Variants in MRPL3 observed in about 807,000 individuals in gnomAD.
MRPL3 encodes the protein mitochondrial ribosomal protein L3.
In MRPL3, 43 loss-of-function variants were observed where a neutral mutation model predicts 44.3. The observed-to-expected ratio is 0.97, with a 90% CI of 0.76 to 1.25. The LOEUF is 1.25. Among genes scored for constraint, MRPL3 ranks in the 50% most tolerant of loss-of-function variants. The pLI, the probability that MRPL3 is intolerant of heterozygous loss-of-function variation, is 0.00. For synonymous variants in MRPL3, 171 were observed against 152.3 expected, an observed-to-expected ratio of 1.12 and a Z score of -0.91; for missense variants, 406 against 427.6, an observed-to-expected ratio of 0.95 and a Z score of 0.45.
chr3:131,492,630 C>T (rs1468955036), intron 4 of MRPL3, among the ~76,000 whole-genome samples: 5 of 152,190 alleles, frequency 3.3e-5, no homozygotes, highest in Admixed American at 3.3e-4. Context: ...ACCTGCCATT[C>T]ACCTCCTGCT....
intron 6 of MRPL3, among the ~76,000 whole-genome samples, chr3:131,473,174 C>G (rs1244076770): frequency 6.6e-6 from 1 of 152,036 alleles, no homozygotes; most frequent in Non-Finnish European, 1.5e-5. Context: ...CTACACAAAG[C>G]TATAGGAGCC....
At chr3:131,469,566 T>G (rs1338878130) in intron 8 of MRPL3, 130 bp downstream of exon 8, 1 of 599,874 alleles carries the variant, frequency 1.7e-6, no homozygotes, top group Non-Finnish European at 2.9e-6. Context: ...ACAATTCATG[T>G]ATCCTCTTTT....
intron 6 of MRPL3, among the ~76,000 whole-genome samples, chr3:131,481,423 T>G (rs1203621623): frequency 6.6e-6 from 1 of 152,216 alleles, no homozygotes; most frequent in African/African-American, 2.4e-5. Context: ...GCTAAGAGCT[T>G]TCTATGCACT....
At chr3:131,472,407 T>C (rs896679302) in intron 6 of MRPL3, among the ~76,000 whole-genome samples, 3 of 152,144 alleles carry the variant, frequency 2.0e-5, no homozygotes, top group African/African-American at 7.2e-5. Flanking sequence ...TAAAGAATTA[T>C]TAAAGTTTGT....
chr3:131,464,572 A>T (rs1933559323), intron 9 of MRPL3, among the ~76,000 whole-genome samples: 2 of 152,164 alleles, frequency 1.3e-5, no homozygotes, highest in Admixed American at 6.6e-5. Context: ...TGGGGGAAGG[A>T]CAGACAAAAG....
chr3:131,492,986 T>C (rs1399854951), intron 4 of MRPL3, among the ~76,000 whole-genome samples: 1 of 152,214 alleles, frequency 6.6e-6, no homozygotes, highest in Non-Finnish European at 1.5e-5. Flanking sequence ...AAAAAAGTTA[T>C]GCCACTTTTT....
chr3:131,499,132 G>C (rs535677577), intron 3 of MRPL3, among the ~76,000 whole-genome samples: 2 of 152,230 alleles, frequency 1.3e-5, no homozygotes, highest in African/African-American at 4.8e-5. Flanking sequence ...TATATAAATG[G>C]AATCAGATTT....
chr3:131,469,745 T>G lies in MRPL3; in HGVS notation c.767A>C (p.Lys256Thr), dbSNP rs947657612. 7 of 1,612,352 alleles carry G rather than the reference T, an allele frequency of 4.3e-6. No individual in the cohort carries two copies. Among genetic ancestry groups the G allele is most frequent in the Non-Finnish European group, 5.9e-6 (7 of 1,178,944 alleles). ...TATGTTTCCCATTTTTCCAGGCATT[T>G]TAGTTCCAGGCCAGACTCTGCCAAT... ...GDIGRVWPGT[K>T]MPGKMGNIYR... is the part of the protein sequence containing the mutation. The change falls in exon 8 of 10, where the codon AAA becomes ACA. Residue 256 changes from lysine (K) to threonine (T), a missense_variant. Coordinates refer to ENST00000264995, the MANE Select transcript of MRPL3 (RefSeq NM_007208.4).
intron 9 of MRPL3, among the ~76,000 whole-genome samples, chr3:131,467,152 A>G (rs988080170): frequency 7.2e-5 from 11 of 152,080 alleles, no homozygotes; most frequent in Admixed American, 5.2e-4. Flanking sequence ...CCATGTCACC[A>G]CAAACAATAG....
At chr3:131,479,043 G>GA (rs1483748782) in intron 6 of MRPL3, 8 of 458,216 alleles carry the variant, frequency 1.7e-5, no homozygotes, top group Non-Finnish European at 3.0e-5. Flanking sequence ...ACTCTAAGTA[G>GA]AGGTTTTTCA....
intron 6 of MRPL3, among the ~76,000 whole-genome samples, chr3:131,485,974 C>T (rs945916312): frequency 1.3e-5 from 2 of 151,860 alleles, no homozygotes; most frequent in Admixed American, 6.6e-5. Flanking sequence ...AATTATCATG[C>T]AACAAAAAGG....
At position 131,501,624 on chromosome 3, in the gene MRPL3, T is replaced by C; in HGVS notation, c.184A>G (p.Lys62Glu). The C allele has an allele frequency of 6.2e-7, 1 of 1,613,008 alleles. No homozygotes were observed. Among genetic ancestry groups the C allele is most frequent in the Middle Eastern group, 1.9e-4 (1 of 5,178 alleles). Residue 62 changes from lysine to glutamate, a missense_variant, in exon 2 of 10, where the codon AAG becomes GAG. Physicochemically the swap from Lys to Glu is moderately conservative, Grantham distance 56. Transcript: ENST00000264995. ...TTATCTTCATCAGAGACCAACTGCT[T>C]AATGAATGGGACATTTTCTTCAGAA... Reference protein sequence around the residue: ...HLSEENVPFIKQLVSDEDKAQ... With the variant: ...HLSEENVPFIEQLVSDEDKAQ...
chr3:131,471,179 CA>C lies in MRPL3; in HGVS notation c.729del (p.Ala244GlnfsTer28). ...TCACTAGTTATACTCACACCAGTTG[CA>C]ACAGCTCCAGGTCTCCTGTGGGTTT... is the stretch of plus-strand genomic sequence containing the variant. The part of the protein sequence containing the change: ...QTKTHRRPGA[V>X]ATGDIGRVWP... On this transcript the variant is annotated frameshift_variant, in exon 7 of 10. Coordinates refer to ENST00000264995, the MANE Select transcript of MRPL3 (RefSeq NM_007208.4). LOFTEE classifies it high-confidence loss of function. The C allele has an allele frequency of 6.2e-7, 1 of 1,611,170 alleles. No homozygotes were observed. The highest frequency in any genetic ancestry group is 8.5e-7 in the Non-Finnish European group (1 of 1,177,846).
rs542754885 is a variant in MRPL3 at position 131,502,940 on chromosome 3, C to T, written c.-119G>A. ...GCCGTGGGGAAGTTTTCGCAATGGCCGCCGGAACGGTCGCCGGCCGATGCT... is the reference window on the plus strand; with the variant it reads ...GCCGTGGGGAAGTTTTCGCAATGGCTGCCGGAACGGTCGCCGGCCGATGCT... On this transcript the variant is annotated 5_prime_UTR_variant, in exon 1 of 10. Transcript: ENST00000264995. 6.4e-6 allele frequency: 6 copies of T among 932,234 alleles called. No individual in the cohort carries two copies. In the Admixed American group the frequency reaches 8.2e-5, roughly 13 times the overall value. 57.7% of individuals were successfully genotyped at this position (932,234 alleles called of 1,614,324 possible).
chr3:131,471,787 G>A (rs969912252), intron 6 of MRPL3, among the ~76,000 whole-genome samples: 3 of 152,130 alleles, frequency 2.0e-5, no homozygotes, highest in African/African-American at 7.2e-5. Flanking sequence ...TGTCACTTCT[G>A]AGATTTGGTT....
At chr3:131,490,362 G>A (rs530510670) in intron 4 of MRPL3, among the ~76,000 whole-genome samples, 1 of 152,100 alleles carries the variant, frequency 6.6e-6, no homozygotes, top group African/African-American at 2.4e-5. Context: ...GGAAAATAGA[G>A]AGTTGTGCTC....
chr3:131,476,130 G>A (rs963469054), intron 6 of MRPL3, among the ~76,000 whole-genome samples: 2 of 152,088 alleles, frequency 1.3e-5, no homozygotes, highest in Non-Finnish European at 2.9e-5. Flanking sequence ...AGATAAAAGT[G>A]GTATCCTGAA....
At chr3:131,500,012 T>C (rs1027268452) in intron 3 of MRPL3, among the ~76,000 whole-genome samples, 3 of 152,172 alleles carry the variant, frequency 2.0e-5, no homozygotes, top group Admixed American at 6.5e-5. Flanking sequence ...CACTAGACTA[T>C]AGCTTACCTT....
intron 6 of MRPL3, among the ~76,000 whole-genome samples, chr3:131,486,222 A>G (rs912639698): frequency 1.3e-5 from 2 of 151,990 alleles, no homozygotes; most frequent in East Asian, 3.9e-4. Context: ...TAAAACCATA[A>G]AAACCCTAGA....
Sources: gnomAD v4.1 joint callset for allele counts (sites outside exome capture counted in the v4.1 genomes callset) on GRCh38, gnomAD v4.1.1 for gene constraint, MANE v1.5 for transcripts, NCBI Gene and HGNC (gene_info 2026-07-23, HGNC 2026-07-21) for gene names.